SERHL2: variants seen among roughly 807,000 people sequenced by gnomAD.
The protein encoded by SERHL2 is serine hydrolase-like protein 2.
SERHL2 carries 29 observed loss-of-function variants against 25.5 expected under a neutral mutation model. The observed-to-expected ratio is 1.14, with a 90% CI of 0.85 to 1.55. The LOEUF is 1.55. SERHL2 is among the 40% of genes most tolerant of loss of function. The pLI is 0.00. For missense variants in SERHL2, 240 were observed against 252.3 expected, an observed-to-expected ratio of 0.95 and a Z score of 0.33; for synonymous variants, 95 against 103.5, an observed-to-expected ratio of 0.92 and a Z score of 0.50.
At chr22:42,562,963 G>A (rs1221159149) in intron 8 of SERHL2, among the ~76,000 whole-genome samples, 1 of 151,904 alleles carries the variant, frequency 6.6e-6, no homozygotes, top group Admixed American at 6.5e-5. Context: ...GGGAGTCCAG[G>A]TGGGAGGACT....
intron 7 of SERHL2, among the ~76,000 whole-genome samples, chr22:42,559,513 A>AAG (rs1476503806): frequency 6.6e-6 from 1 of 151,744 alleles, no homozygotes; most frequent in Non-Finnish European, 1.5e-5. Context: ...CATCATGGCT[A>AAG]AGATGGTGAA....
rs1270628418 is a variant in SERHL2, at chr22:42,574,146, G to A, written c.*91G>A. The A allele has an allele frequency of 2.4e-6, 3 of 1,238,030 alleles. No individual in the cohort carries two copies. The highest frequency in any genetic ancestry group is 1.3e-5 in the South Asian group (1 of 76,204). 76.7% of individuals were successfully genotyped at this position (1,238,030 alleles called of 1,614,324 possible). Reference sequence around the variant, plus strand: ...GCCCCACAACAAGGCCAGGGATGGTGGGGACAGGCCTCACTAGTCTTGAGG... The same window carrying A: ...GCCCCACAACAAGGCCAGGGATGGTAGGGACAGGCCTCACTAGTCTTGAGG... On this transcript the variant is annotated 3_prime_UTR_variant, in exon 12 of 12. Coordinates refer to ENST00000327678, the MANE Select transcript of SERHL2 (RefSeq NM_014509.5).
chr22:42,560,712 T>G (rs905984446), intron 8 of SERHL2, among the ~76,000 whole-genome samples: 1 of 151,904 alleles, frequency 6.6e-6, no homozygotes, highest in Non-Finnish European at 1.5e-5. Context: ...TGTACTTTGC[T>G]TTTTACCCAG....
chr22:42,567,473 G>A (rs1431933875), intron 9 of SERHL2, among the ~76,000 whole-genome samples: 1 of 150,798 alleles, frequency 6.6e-6, no homozygotes, highest in East Asian at 2.0e-4. Context: ...GACCATCCTG[G>A]CTAACAAGGT....
At chr22:42,566,155 G>C (rs1466100573) in intron 8 of SERHL2, 149 bp from the exon 9 acceptor site, 11 of 712,176 alleles carry the variant, frequency 1.5e-5, no homozygotes, top group Non-Finnish European at 2.4e-5. Context: ...CCCCAGGACA[G>C]GGAGTCCTGG....
chr22:42,554,245 G>C (rs796671370), intron 1 of SERHL2, among the ~76,000 whole-genome samples: 6 of 152,290 alleles, frequency 3.9e-5, no homozygotes, highest in African/African-American at 1.4e-4. Context: ...TGGCCTCCCA[G>C]GGTTCCAGGA....
At chr22:42,572,754 T>A (rs1924411314) in intron 11 of SERHL2, 1 of 983,034 alleles carries the variant, frequency 1.0e-6, no homozygotes, top group Admixed American at 6.1e-5. Context: ...GGGGAACCCC[T>A]GCCAGGTTCA....
At chr22:42,564,139 AG>A (rs1923037863) in intron 8 of SERHL2, among the ~76,000 whole-genome samples, 1 of 151,782 alleles carries the variant, frequency 6.6e-6, no homozygotes, top group South Asian at 2.1e-4. Context: ...CATAGTTAAA[AG>A]GTCATGCTTG....
At chr22:42,560,317 G>A in intron 8 of SERHL2, 52 bp downstream of exon 8, 5 of 1,395,324 alleles carry the variant, frequency 3.6e-6, no homozygotes, top group Non-Finnish European at 3.1e-6. Context: ...TATTCTTACC[G>A]AGGATGTCAA....
chr22:42,573,717 G>T, intron 11 of SERHL2: 2 of 600,934 alleles, frequency 3.3e-6, no homozygotes, highest in South Asian at 1.9e-5. Context: ...AGCTGGCCTA[G>T]ACCCCTGGGA....
chr22:42,556,406 C>T, intron 5 of SERHL2, 108 bp from the exon 6 acceptor site: 1 of 912,076 alleles, frequency 1.1e-6, no homozygotes, highest in Non-Finnish European at 1.7e-6. Context: ...TCAGCACCCT[C>T]CCCCCAGCCT....
At chr22:42,564,655 TC>T (rs1923104079) in intron 8 of SERHL2, among the ~76,000 whole-genome samples, 1 of 151,846 alleles carries the variant, frequency 6.6e-6, no homozygotes, top group African/African-American at 2.4e-5. Flanking sequence ...GGTCTCGAAC[TC>T]CTGACCTCAG....
intron 8 of SERHL2, chr22:42,563,568 C>G (rs1392291403): frequency 4.9e-5 from 11 of 225,258 alleles, no homozygotes; most frequent in South Asian, 4.6e-4. Context: ...GGGGGAGGCT[C>G]AAATCTTTCT....
chr22:42,569,049 T>C (rs1923792197), intron 9 of SERHL2: 1 of 151,572 alleles, frequency 6.6e-6, no homozygotes, highest in East Asian at 2.0e-4. Flanking sequence ...GCTGGGTTAA[T>C]TTTTTGTATT....
intron 9 of SERHL2, chr22:42,569,480 G>C (rs1232156880): frequency 3.3e-5 from 5 of 151,778 alleles, no homozygotes; most frequent in South Asian, 2.1e-4. Flanking sequence ...AACTGGTCTC[G>C]AACTTCTGAC....
intron 9 of SERHL2, among the ~76,000 whole-genome samples, chr22:42,568,346 ACAATAC>A (rs1923694476): frequency 4.9e-5 from 7 of 141,848 alleles, no homozygotes; most frequent in South Asian, 4.5e-4. Context: ...TTCTAGATGA[ACAATAC>A]CAGCTGTTGG....
At chr22:42,566,153 C>T (rs1260864171) in intron 8 of SERHL2, 151 bp from the exon 9 acceptor site, 5 of 709,364 alleles carry the variant, frequency 7.0e-6, no homozygotes, top group Non-Finnish European at 1.2e-5. Context: ...GACCCCAGGA[C>T]AGGGAGTCCT....
At chr22:42,564,064 C>T (rs1241064534) in intron 8 of SERHL2, among the ~76,000 whole-genome samples, 1 of 151,336 alleles carries the variant, frequency 6.6e-6, no homozygotes, top group African/African-American at 2.4e-5. Context: ...AAGAGTGAAA[C>T]TTCGTCTCAG....
At chr22:42,573,604 C>T (rs1480241859) in intron 11 of SERHL2, 37 of 282,166 alleles carry the variant, frequency 1.3e-4, no homozygotes, top group South Asian at 4.0e-4. Context: ...AGGCTGTTCA[C>T]GCCCCCATCT....
Sources: allele counts gnomAD v4.1 joint callset (sites outside exome capture counted in the v4.1 genomes callset), GRCh38; gene constraint gnomAD v4.1.1; transcripts MANE v1.5; gene names NCBI Gene and HGNC (gene_info 2026-07-23, HGNC 2026-07-21).